The following ADARB2 variants were observed in gnomAD, a reference collection of about 807,000 sequenced individuals.
ADARB2 encodes adenosine deaminase RNA specific B2 (inactive), also known as inactive double-stranded RNA-specific editase B2.
A neutral mutation model predicts 62.2 loss-of-function variants in ADARB2; 25 were observed. The ratio of observed to expected loss-of-function variants is 0.40; its 90% CI spans 0.29 to 0.56. ADARB2 has a LOEUF of 0.56. Among genes scored for constraint, ADARB2 ranks in the 20% least tolerant of loss-of-function variants. The pLI is 0.43. For missense variants in ADARB2, 1,071 were observed against 1,077.4 expected (o/e 0.99, Z 0.08); for synonymous variants, 572 against 500.8 (o/e 1.14, Z -1.90).
intron 1 of ADARB2, among the ~76,000 whole-genome samples, chr10:1,690,302 C>A (rs895910079): frequency 6.6e-6 from 1 of 152,224 alleles, no homozygotes; most frequent in South Asian, 2.1e-4. Flanking sequence ...TAAATGTGAA[C>A]AAGCCGTTTT....
chr10:1,628,345 G>A (rs971218882), intron 1 of ADARB2, among the ~76,000 whole-genome samples: 5 of 152,214 alleles, frequency 3.3e-5, no homozygotes, highest in East Asian at 3.9e-4. Context: ...CGTTACGATC[G>A]GCATTCACTG....
chr10:1,394,629 G>A (rs1022246353), intron 1 of ADARB2, among the ~76,000 whole-genome samples: 4 of 152,316 alleles, frequency 2.6e-5, no homozygotes, highest in Admixed American at 2.6e-4. Flanking sequence ...CAGTGCTGGG[G>A]GGTCAAAGGT....
chr10:1,534,225 C>T (rs1157335839), intron 1 of ADARB2, among the ~76,000 whole-genome samples: 2 of 150,890 alleles, frequency 1.3e-5, no homozygotes, highest in African/African-American at 4.9e-5. Flanking sequence ...AAACCTCTGT[C>T]TCCCGGGTTC....
intron 1 of ADARB2, among the ~76,000 whole-genome samples, chr10:1,709,353 C>G (rs1349145368): frequency 6.6e-5 from 10 of 152,210 alleles, no homozygotes; most frequent in Non-Finnish European, 1.2e-4. Context: ...TATGTCTTCT[C>G]TACGTCCTGC....
At chr10:1,684,068 C>T (rs1456110668) in intron 1 of ADARB2, among the ~76,000 whole-genome samples, 2 of 152,238 alleles carry the variant, frequency 1.3e-5, no homozygotes, top group Non-Finnish European at 2.9e-5. Context: ...GAGTGAAGTG[C>T]GTTTCAAAAG....
At chr10:1,190,846 A>G (rs1173606731) in intron 8 of ADARB2, among the ~76,000 whole-genome samples, 1 of 152,230 alleles carries the variant, frequency 6.6e-6, no homozygotes, top group African/African-American at 2.4e-5. Flanking sequence ...CAGACAAGGT[A>G]ATTTACAGGT....
At chr10:1,624,988 T>C (rs916790714) in intron 1 of ADARB2, among the ~76,000 whole-genome samples, 16 of 152,168 alleles carry the variant, frequency 1.1e-4, no homozygotes, top group Non-Finnish European at 1.9e-4. Flanking sequence ...AACATATATA[T>C]ATATGTAGAA....
chr10:1,348,229 C>G (rs1320319772), intron 3 of ADARB2, among the ~76,000 whole-genome samples: 1 of 152,096 alleles, frequency 6.6e-6, no homozygotes, highest in Non-Finnish European at 1.5e-5. Flanking sequence ...CCTGTTGTTT[C>G]TAAACTCTCA....
chr10:1,266,130 G>A (rs994019444), intron 4 of ADARB2, among the ~76,000 whole-genome samples: 1 of 151,884 alleles, frequency 6.6e-6, no homozygotes, highest in Admixed American at 6.5e-5. Context: ...CCAGGTCCAC[G>A]CTCTCCCGGA....
intron 3 of ADARB2, among the ~76,000 whole-genome samples, chr10:1,299,635 C>T (rs896557009): frequency 6.6e-6 from 1 of 152,220 alleles, no homozygotes; most frequent in Non-Finnish European, 1.5e-5. Context: ...CCTCCCATCC[C>T]ACACTGGTGC....
rs898425927 is a variant in ADARB2, at chr10:1,426,441, G to A, written c.101-47281C>T. Among the ~76,000 whole-genome samples, 3 of 151,972 alleles carry A rather than the reference G, an allele frequency of 2.0e-5. No individual in the cohort carries two copies. Among genetic ancestry groups the A allele is most frequent in the East Asian group, 1.9e-4 (1 of 5,156 alleles). ...CTGTAAAACCGAAGCCCTCTTCTGC[G>A]TGGCGATTTGGAGAACACAGTCAGC... On this transcript the variant is annotated intron_variant, in intron 1 of 9. Coordinates refer to ENST00000381312, the MANE Select transcript of ADARB2 (RefSeq NM_018702.4). The surrounding 1 kb of genome is among the most constrained non-coding windows in gnomAD (Gnocchi z 4.1).
chr10:1,657,627 G>A lies in ADARB2; in HGVS notation c.100+79424C>T, dbSNP rs1834187902. Among the ~76,000 whole-genome samples the A allele has an allele frequency of 2.0e-5, 3 of 152,232 alleles. No individual in the cohort carries two copies. In the South Asian group the frequency reaches 6.2e-4, roughly 32 times the overall value. On this transcript the variant is annotated intron_variant, in intron 1 of 9. Coordinates refer to ENST00000381312, the MANE Select transcript of ADARB2 (RefSeq NM_018702.4). ...AGGCAGCATCTCCTGTGCTGCAGGC[G>A]GTTACCAAGTAACAGACCTCAGAAG...
At position 1,489,027 on chromosome 10, in the gene ADARB2, G is replaced by A. The variant is rs180691993; in HGVS notation, c.101-109867C>T. Among the ~76,000 whole-genome samples the A allele has an allele frequency of 2.0e-4, 30 of 152,336 alleles. No individual in the cohort carries two copies. The East Asian group carries it at 4.6e-3, about 23-fold the overall frequency. ...CTTCAGGGGGCACAGGCTCCTGGCC[G>A]GGTGCCAGCAAGCGCGACTGCGCAC... On this transcript the variant is annotated intron_variant, in intron 1 of 9. Coordinates refer to ENST00000381312, the MANE Select transcript of ADARB2 (RefSeq NM_018702.4).
At chr10:1,408,047 G>T (rs1228140794) in intron 1 of ADARB2, among the ~76,000 whole-genome samples, 4 of 152,154 alleles carry the variant, frequency 2.6e-5, no homozygotes, top group Non-Finnish European at 5.9e-5. Context: ...TAATTATTTT[G>T]CAGAATATTT....
chr10:1,637,752 T>A (rs1372824748), intron 1 of ADARB2, among the ~76,000 whole-genome samples: 1 of 152,194 alleles, frequency 6.6e-6, no homozygotes, highest in Admixed American at 6.5e-5. Context: ...TCGCAATAAT[T>A]TGCCTCGTCA....
intron 1 of ADARB2, among the ~76,000 whole-genome samples, chr10:1,596,918 T>C (rs907745055): frequency 1.3e-5 from 2 of 152,148 alleles, no homozygotes; most frequent in African/African-American, 2.4e-5. Context: ...CAGAGTCTTC[T>C]TGGGCAAAAG....
chr10:1,453,932 A>G (rs1831067628), intron 1 of ADARB2, among the ~76,000 whole-genome samples: 1 of 152,230 alleles, frequency 6.6e-6, no homozygotes, highest in Admixed American at 6.5e-5. Context: ...TATTTTCAGA[A>G]AATTAAAAAT....
chr10:1,212,900 G>A (rs1325509379), intron 7 of ADARB2, among the ~76,000 whole-genome samples: 2 of 152,250 alleles, frequency 1.3e-5, no homozygotes, highest in African/African-American at 4.8e-5. Context: ...GCAGCCAAGC[G>A]GCACTGATGA....
Position 1,184,978 on chromosome 10 carries a change from G to A in ADARB2, c.1926C>T (p.Val642=), listed in dbSNP as rs1186880014. The change falls in exon 9 of 10, where the codon GTC becomes GTT. Residue 642 remains valine (V), a synonymous_variant. Coordinates refer to ENST00000381312, the MANE Select transcript of ADARB2 (RefSeq NM_018702.4). ...GKSPPFSMNW[V]VGSADLEIIN... Reference sequence around the variant, plus strand: ...TAATCTCCAGGTCCGCGCTGCCCACGACCCAGTTCATGCTGAAGGGGGGCG... The same window carrying A: ...TAATCTCCAGGTCCGCGCTGCCCACAACCCAGTTCATGCTGAAGGGGGGCG... The A allele has an allele frequency of 4.3e-6, 7 of 1,613,652 alleles. No homozygotes were observed. Among genetic ancestry groups the A allele is most frequent in the Admixed American group, 3.3e-5 (2 of 60,000 alleles).
Sources: allele counts gnomAD v4.1 joint callset (sites outside exome capture counted in the v4.1 genomes callset), GRCh38; gene constraint gnomAD v4.1.1; non-coding constraint Gnocchi (gnomAD v3.1); transcripts MANE v1.5; gene names NCBI Gene and HGNC (gene_info 2026-07-23, HGNC 2026-07-21).